Variants in MTFR1 observed in about 807,000 individuals in gnomAD.
The protein encoded by MTFR1 is chondrocyte protein with a poly-proline region.
In MTFR1, 28 loss-of-function variants were observed where a neutral mutation model predicts 38.8. That is an observed-to-expected ratio of 0.72 (90% CI 0.53 to 0.99). The LOEUF (loss-of-function observed/expected upper bound fraction) is 0.99, where lower values mean the gene tolerates loss of function less well. Ranked by LOEUF, MTFR1 falls within the 50% of genes least tolerant of loss-of-function variation. MTFR1 has a pLI of 0.00. For missense variants in MTFR1, 358 were observed against 395.5 expected (o/e 0.91, Z 0.81); for synonymous variants, 145 against 137.0 (o/e 1.06, Z -0.41).
intron 1 of MTFR1, among the ~76,000 whole-genome samples, chr8:65,659,168 A>G (rs1199699772): frequency 2.0e-5 from 3 of 152,158 alleles, no homozygotes; most frequent in Non-Finnish European, 2.9e-5. Context: ...TGTGTTTAAC[A>G]AGGACCATTA....
At chr8:65,742,036 CAGTG>C (rs1807460486) in intron 3 of MTFR1, among the ~76,000 whole-genome samples, 1 of 152,140 alleles carries the variant, frequency 6.6e-6, no homozygotes, top group South Asian at 2.1e-4. Context: ...ATTATAATAC[CAGTG>C]AGTAAGAACA....
chr8:65,714,889 T>C (rs556107521), downstream of MTFR1: 1 of 148,928 alleles, frequency 6.7e-6, no homozygotes, highest in East Asian at 1.9e-4. Flanking sequence ...GCAAAGGACA[T>C]AAAATATGAT....
chr8:65,744,622 T>C lies in MTFR1; in HGVS notation c.*48+25141T>C, dbSNP rs115848006. 6.7e-3 allele frequency among the ~76,000 whole-genome samples: 1,015 copies of C among 152,250 alleles called. 12 individuals carry two copies. The highest frequency in any genetic ancestry group is 0.023 in the African/African-American group (975 of 41,536). On this transcript the variant is annotated intron_variant, in intron 3 of 3. Coordinates refer to the MTFR1 transcript ENST00000521247. The stretch of plus-strand genomic sequence containing the variant: ...GAAGCTACAGCTCTTCCCCATTCCC[T>C]ATCTGAAAGCAAGGAACCACTGCTT...
intron 3 of MTFR1, among the ~76,000 whole-genome samples, chr8:65,750,645 T>C (rs1033596068): frequency 6.6e-6 from 1 of 152,154 alleles, no homozygotes; most frequent in African/African-American, 2.4e-5. Flanking sequence ...TCTGTCACCA[T>C]GGTAGGATAC....
intron 3 of MTFR1, among the ~76,000 whole-genome samples, chr8:65,733,318 A>G (rs1275145243): frequency 6.6e-6 from 1 of 152,156 alleles, no homozygotes; most frequent in African/African-American, 2.4e-5. Flanking sequence ...GCCTTCGCTG[A>G]CCAGGTTAAC....
intron 1 of MTFR1, among the ~76,000 whole-genome samples, chr8:65,648,056 G>T (rs1002605254): frequency 1.3e-5 from 2 of 152,104 alleles, no homozygotes; most frequent in African/African-American, 4.8e-5. Context: ...CTGTCACCCA[G>T]ACTGGAGTGC....
intron 2 of MTFR1, among the ~76,000 whole-genome samples, chr8:65,681,005 C>T (rs1804867989): frequency 6.6e-6 from 1 of 151,130 alleles, no homozygotes; most frequent in South Asian, 2.1e-4. Flanking sequence ...CTCCGCCTCC[C>T]GGGTTCACGC....
intron 3 of MTFR1, among the ~76,000 whole-genome samples, chr8:65,747,205 C>A (rs78482066): frequency 0.041 from 6,260 of 152,114 alleles, 177 homozygotes; most frequent in Non-Finnish European, 0.061. Flanking sequence ...CACACACACA[C>A]AAAAAAGAGA....
At chr8:65,647,740 A>G (rs1324568219) in intron 1 of MTFR1, among the ~76,000 whole-genome samples, 1 of 152,118 alleles carries the variant, frequency 6.6e-6, no homozygotes, top group East Asian at 1.9e-4. Context: ...CTGCCCAGCT[A>G]CTGAACTATT....
chr8:65,671,746 G>T (rs1311472762), intron 2 of MTFR1, among the ~76,000 whole-genome samples: 1 of 152,092 alleles, frequency 6.6e-6, no homozygotes, highest in African/African-American at 2.4e-5. Context: ...TGGTAAGATT[G>T]TGGGTCCTGG....
At chr8:65,666,361 G>A (rs142238107) in intron 1 of MTFR1, among the ~76,000 whole-genome samples, 1 of 152,326 alleles carries the variant, frequency 6.6e-6, no homozygotes, top group African/African-American at 2.4e-5. Context: ...AGCTGAGATC[G>A]CGCCACTGCA....
Position 65,706,996 on chromosome 8 carries a change from C to T in MTFR1, c.518-14C>T. ...TACCAGTGGGATTAAGTTTGTTTTC[C>T]TTTGTTTCTGTAGGTGACTTAGATT... On this transcript the variant is annotated splice_polypyrimidine_tract_variant and intron_variant, in intron 5 of 7. Coordinates refer to ENST00000262146, the MANE Select transcript of MTFR1 (RefSeq NM_014637.4). 4 of 1,561,592 alleles carry T rather than the reference C, an allele frequency of 2.6e-6. No homozygotes were observed. Among genetic ancestry groups the T allele is most frequent in the Non-Finnish European group, 3.5e-6 (4 of 1,156,062 alleles).
intron 3 of MTFR1, among the ~76,000 whole-genome samples, chr8:65,766,882 G>A (rs1298539317): frequency 1.3e-5 from 2 of 152,152 alleles, no homozygotes; most frequent in Non-Finnish European, 2.9e-5. Flanking sequence ...CAGGTCTGAG[G>A]ATTAGGAATC....
rs1807531888 is a variant in MTFR1 at position 65,743,473 on chromosome 8, C to G, written c.*48+23992C>G. Reference sequence around the variant, plus strand: ...AAAAGGCAGGGAGGCAGGAGGGTGGCTCTGCTGATAAAGACAAACTTCACT... The same window carrying G: ...AAAAGGCAGGGAGGCAGGAGGGTGGGTCTGCTGATAAAGACAAACTTCACT... On this transcript the variant is annotated intron_variant, in intron 3 of 3. Transcript: ENST00000521247. 3.3e-5 allele frequency among the ~76,000 whole-genome samples: 5 copies of G among 152,254 alleles called. No homozygotes were observed. In the South Asian group the frequency reaches 1.0e-3, roughly 32 times the overall value.
chr8:65,752,116 A>G (rs1192760375), intron 3 of MTFR1, among the ~76,000 whole-genome samples: 1 of 152,168 alleles, frequency 6.6e-6, no homozygotes, highest in African/African-American at 2.4e-5. Context: ...ATCATCCTCT[A>G]ATTTTCAGTT....
chr8:65,757,044 T>C (rs1019326461), intron 3 of MTFR1, among the ~76,000 whole-genome samples: 15 of 152,192 alleles, frequency 9.9e-5, no homozygotes, highest in Admixed American at 3.3e-4. Context: ...GGTGTTCAGC[T>C]ATGTGGAGGC....
intron 3 of MTFR1, chr8:65,726,787 A>C (rs1806630466): frequency 5.6e-6 from 4 of 714,484 alleles, no homozygotes; most frequent in Non-Finnish European, 9.9e-6. Context: ...ACACCTGAAC[A>C]TAACAATTTT....
At chr8:65,711,983 G>T (rs1455269783), downstream of MTFR1, among the ~76,000 whole-genome samples, 1 of 152,142 alleles carries the variant, frequency 6.6e-6, no homozygotes, top group Non-Finnish European at 1.5e-5. Flanking sequence ...GGTTATCCCA[G>T]GGCAGTCCTC....
At chr8:65,735,021 C>T (rs910744949) in intron 3 of MTFR1, 3 of 642,956 alleles carry the variant, frequency 4.7e-6, no homozygotes, top group Admixed American at 2.3e-5. Flanking sequence ...CGTGCCGATT[C>T]GGGCAGATGA....
Sources: allele counts gnomAD v4.1 joint callset (sites outside exome capture counted in the v4.1 genomes callset), GRCh38; gene constraint gnomAD v4.1.1; transcripts MANE v1.5; gene names NCBI Gene and HGNC (gene_info 2026-07-23, HGNC 2026-07-21).